The following PATJ variants were observed in gnomAD, a reference collection of about 807,000 sequenced individuals.
PATJ encodes PATJ crumbs cell polarity complex component.
PATJ carries 190 observed loss-of-function variants against 224.9 expected under a neutral mutation model. The observed-to-expected ratio is 0.84, with a 90% CI of 0.75 to 0.95. The LOEUF (loss-of-function observed/expected upper bound fraction) is 0.95. Among genes scored for constraint, PATJ ranks in the 40% least tolerant of loss-of-function variants. The pLI is 0.00. For synonymous variants in PATJ, 769 were observed against 820.3 expected (o/e 0.94, Z 1.07); for missense variants, 2,121 against 2,270.3 (o/e 0.93, Z 1.34).
rs377489788 is a variant in PATJ at position 62,144,777 on chromosome 1, A to AAATATATATATATAT, written c.5272-3506_5272-3505insATATATATATATATA. Reference sequence around the variant, plus strand: ...TAGAATGTTATTTGCAAAAAAAAAAAATATATATATATATATATAATTAGC... The same window carrying AAATATATATATATAT: ...TAGAATGTTATTTGCAAAAAAAAAAAAATATATATATATATATATATATATATATATATAATTAGC... On this transcript the variant is annotated intron_variant, in intron 41 of 43. Coordinates refer to ENST00000642238, the MANE Select transcript of PATJ (RefSeq NM_001350145.3). 1.4e-4 allele frequency among the ~76,000 whole-genome samples: 17 copies of AAATATATATATATAT among 119,102 alleles called. No individual in the cohort carries two copies. In the East Asian group the frequency reaches 4.2e-3, roughly 29 times the overall value. 78.1% of individuals were successfully genotyped at this position (119,102 alleles called of 152,430 possible).
intron 28 of PATJ, among the ~76,000 whole-genome samples, chr1:61,998,646 C>T (rs1359549021): frequency 2.6e-5 from 4 of 152,178 alleles, no homozygotes; most frequent in Non-Finnish European, 4.4e-5. Flanking sequence ...CTTGTTCTTG[C>T]ACTAGGAGAG....
rs148485514 is a variant in PATJ at position 62,042,362 on chromosome 1, C to T, written c.4032+4313C>T. 7.6e-3 allele frequency among the ~76,000 whole-genome samples: 1,154 copies of T among 152,178 alleles called. 14 individuals carry two copies. Among genetic ancestry groups the T allele is most frequent in the African/African-American group, 0.026 (1,069 of 41,490 alleles). ...TCCTGTGGGCGGTATGTGAAGAGGA[C>T]GCATATCCCTGACCACTTTCTCTTC... On this transcript the variant is annotated intron_variant, in intron 30 of 43. Coordinates refer to ENST00000642238, the MANE Select transcript of PATJ (RefSeq NM_001350145.3).
intron 30 of PATJ, among the ~76,000 whole-genome samples, chr1:62,042,954 G>A (rs1276759324): frequency 6.6e-6 from 1 of 152,136 alleles, no homozygotes. Flanking sequence ...GTGTCACTGA[G>A]CTCTTATTAT....
chr1:61,961,945 G>A (rs1205653457), intron 27 of PATJ, among the ~76,000 whole-genome samples: 2 of 150,134 alleles, frequency 1.3e-5, no homozygotes, highest in African/African-American at 4.9e-5. Context: ...CTCCAGCCTG[G>A]GCGACAAGAA....
At chr1:61,905,219 T>G (rs1671700141) in intron 24 of PATJ, among the ~76,000 whole-genome samples, 1 of 152,236 alleles carries the variant, frequency 6.6e-6, no homozygotes, top group African/African-American at 2.4e-5. Flanking sequence ...TGTGGACCTG[T>G]TTTCTGGGGT....
chr1:61,782,984 G>A (rs1647662167), intron 7 of PATJ, among the ~76,000 whole-genome samples: 1 of 152,096 alleles, frequency 6.6e-6, no homozygotes. Flanking sequence ...ATTTTGGTAT[G>A]AAACAGTTAT....
At chr1:61,769,542 T>C in intron 5 of PATJ, 120 bp downstream of exon 5, 4 of 1,148,658 alleles carry the variant, frequency 3.5e-6, no homozygotes, top group Middle Eastern at 2.1e-4. Flanking sequence ...ATTTTTGCTT[T>C]CGTTTTTGCT....
At chr1:61,927,971 T>C (rs2149289915) in intron 27 of PATJ, 142 bp downstream of exon 27, 1 of 611,486 alleles carries the variant, frequency 1.6e-6, no homozygotes, top group South Asian at 2.4e-5. Context: ...TCTATACCTT[T>C]GAAGCTTTTG....
chr1:61,929,918 G>C (rs746913887), intron 27 of PATJ, among the ~76,000 whole-genome samples: 19 of 152,140 alleles, frequency 1.2e-4, no homozygotes, highest in Non-Finnish European at 2.5e-4. Context: ...TCACTTTTAT[G>C]CCTAAAATAG....
At chr1:61,900,400 C>T (rs6699016) in intron 23 of PATJ, among the ~76,000 whole-genome samples, 26,375 of 151,820 alleles carry the variant, frequency 0.17, 2,932 homozygotes, top group Middle Eastern at 0.27. Flanking sequence ...AATAATGACA[C>T]GGAGGTAGGA....
chr1:62,098,261 A>G (rs1489250319), intron 33 of PATJ, among the ~76,000 whole-genome samples: 1 of 151,474 alleles, frequency 6.6e-6, no homozygotes, highest in Non-Finnish European at 1.5e-5. Context: ...CGGGAGGCTG[A>G]GGCAGGAGAA....
chr1:61,759,412 T>C (rs1645833571), intron 1 of PATJ, among the ~76,000 whole-genome samples: 1 of 98,368 alleles, frequency 1.0e-5, no homozygotes, highest in Admixed American at 9.4e-5. Context: ...TTTAATTGCT[T>C]TTTTTTTTTT....
At chr1:62,027,124 C>T (rs1183581657) in intron 29 of PATJ, among the ~76,000 whole-genome samples, 1 of 152,176 alleles carries the variant, frequency 6.6e-6, no homozygotes, top group Non-Finnish European at 1.5e-5. Flanking sequence ...CAACAACTCC[C>T]CATTCTTCCC....
At chr1:62,026,574 A>C (rs146532339) in intron 29 of PATJ, among the ~76,000 whole-genome samples, 1,640 of 152,188 alleles carry the variant, frequency 0.011, 23 homozygotes, top group South Asian at 0.059. Flanking sequence ...CAATAAATAA[A>C]GTCAGCCTGC....
At chr1:61,846,172 T>C (rs1203308746) in intron 17 of PATJ, 3 of 152,222 alleles carry the variant, frequency 2.0e-5, no homozygotes, top group African/African-American at 7.2e-5. Flanking sequence ...GAAAAGAAGT[T>C]ATTACTATGA....
chr1:62,148,851 GC>G (rs1385135627), intron 42 of PATJ, among the ~76,000 whole-genome samples: 1 of 152,172 alleles, frequency 6.6e-6, no homozygotes, highest in East Asian at 1.9e-4. Flanking sequence ...TAAGGGCCGG[GC>G]TCAGTGGCTC....
chr1:61,819,696 G>A (rs567745312), intron 14 of PATJ, among the ~76,000 whole-genome samples: 34 of 152,304 alleles, frequency 2.2e-4, no homozygotes, highest in South Asian at 4.1e-4. Flanking sequence ...CACCATGGCA[G>A]ATATAAAGCT....
At chr1:61,934,182 G>T (rs142955846) in intron 27 of PATJ, among the ~76,000 whole-genome samples, 1 of 149,988 alleles carries the variant, frequency 6.7e-6, no homozygotes, top group Admixed American at 6.6e-5. Context: ...GCAGTGGCAC[G>T]ATCTCGGCTC....
At position 62,018,907 on chromosome 1, in the gene PATJ, G is replaced by A. The variant is rs745833070; in HGVS notation, c.3959+960G>A. On this transcript the variant is annotated intron_variant, in intron 29 of 43. Coordinates refer to ENST00000642238, the MANE Select transcript of PATJ (RefSeq NM_001350145.3). This position sits in a 1 kb window ranked among gnomAD's most constrained non-coding sequence, Gnocchi z 4.2. ...TTTTATTCCCAGCTTGGGCACTAACGTGATTGAAATATCCCTTCCCACTTC... is the reference window on the plus strand; with the variant it reads ...TTTTATTCCCAGCTTGGGCACTAACATGATTGAAATATCCCTTCCCACTTC... Among the ~76,000 whole-genome samples the A allele has an allele frequency of 7.9e-5, 12 of 152,218 alleles. No individual in the cohort carries two copies. Among genetic ancestry groups the A allele is most frequent in the South Asian group, 2.1e-4 (1 of 4,826 alleles).
Sources: gnomAD v4.1 joint callset for allele counts (sites outside exome capture counted in the v4.1 genomes callset) on GRCh38, gnomAD v4.1.1 for gene constraint, Gnocchi (gnomAD v3.1) non-coding constraint, MANE v1.5 for transcripts, NCBI Gene and HGNC (gene_info 2026-07-23, HGNC 2026-07-21) for gene names.